Variants in SERTAD2 observed in about 807,000 individuals in gnomAD.
SERTAD2 encodes the protein SERTA domain-containing protein 2.
In SERTAD2, 2 loss-of-function variants were observed where a neutral mutation model predicts 15.4. The ratio of observed to expected loss-of-function variants is 0.13; its 90% CI spans 0.05 to 0.41. The LOEUF is 0.41. SERTAD2 is among the 10% of genes least tolerant of loss of function. SERTAD2 has a pLI of 0.99. For synonymous variants in SERTAD2, 180 were observed against 178.0 expected, an observed-to-expected ratio of 1.01 and a Z score of -0.09; for missense variants, 333 against 409.7, an observed-to-expected ratio of 0.81 and a Z score of 1.62.
chr2:64,646,438 G>A (rs1376418086), intron 1 of SERTAD2: 2 of 150,926 alleles, frequency 1.3e-5, no homozygotes, highest in African/African-American at 2.4e-5. Context: ...AAAGCTATTA[G>A]TGCTCCATGT....
At chr2:64,638,780 GT>G (rs1168324840) in intron 1 of SERTAD2, among the ~76,000 whole-genome samples, 1 of 152,190 alleles carries the variant, frequency 6.6e-6, no homozygotes, top group Non-Finnish European at 1.5e-5. Context: ...GTAACAGTTG[GT>G]TTGTCTAATA....
Position 64,636,799 on chromosome 2 carries a change from AG to A in SERTAD2, c.72del (p.Cys25ValfsTer22). ...EDGLEGKIVS[P>X]CDGPSKVSYT... The stretch of plus-strand genomic sequence containing the variant: ...TAAGACACCTTGGATGGACCGTCAC[AG>A]GGAGACACGATTTTGCCTTCCAGCC... On this transcript the variant is annotated frameshift_variant, in exon 2 of 2. Coordinates refer to ENST00000313349, the MANE Select transcript of SERTAD2 (RefSeq NM_014755.3). LOFTEE classifies it high-confidence loss of function. The A allele has an allele frequency of 6.2e-7, 1 of 1,614,204 alleles. No homozygotes were observed. The highest frequency in any genetic ancestry group is 8.5e-7 in the Non-Finnish European group (1 of 1,180,032).
rs1674568700 is a variant in SERTAD2 at position 64,632,934 on chromosome 2, T to C, written c.*2993A>G. The C allele has an allele frequency of 1.3e-5, 2 of 152,658 alleles. No individual in the cohort carries two copies. Among genetic ancestry groups the C allele is most frequent in the African/African-American group, 4.8e-5 (2 of 41,446 alleles). 9.5% of individuals were successfully genotyped at this position (152,658 alleles called of 1,614,324 possible). The stretch of plus-strand genomic sequence containing the variant: ...CTCTTACGATTCTGCTCTCATCTTG[T>C]CACTTCATTGCACATCAGTGTCAAT... On this transcript the variant is annotated 3_prime_UTR_variant, in exon 2 of 2. Transcript: ENST00000313349.
chr2:64,640,495 T>C (rs995278707), intron 1 of SERTAD2, among the ~76,000 whole-genome samples: 1 of 152,076 alleles, frequency 6.6e-6, no homozygotes, highest in African/African-American at 2.4e-5. Context: ...TCAGGCACTC[T>C]AAGAAAATAA....
At chr2:64,651,189 T>G (rs958429763) in intron 1 of SERTAD2, among the ~76,000 whole-genome samples, 11 of 152,196 alleles carry the variant, frequency 7.2e-5, no homozygotes, top group African/African-American at 2.7e-4. Context: ...GCTTCATACT[T>G]TTTTTTCTGT....
Position 64,636,372 on chromosome 2 carries a change from T to C in SERTAD2, c.500A>G (p.Asp167Gly). The change falls in exon 2 of 2, where the codon GAC (aspartate) becomes GGC (glycine). Residue 167 changes from aspartate to glycine, a missense_variant. By Grantham distance (94) the Asp-to-Gly change is moderately conservative (BLOSUM62 -1). Transcript: ENST00000313349. ...LSPPALLPEK[D>G]SFSSALDEIE... ...CTCGTCCAAGGCAGAGGAGAAACTGTCCTTTTCTGGCAAGAGGGCTGGAGG... is the reference window on the plus strand; with the variant it reads ...CTCGTCCAAGGCAGAGGAGAAACTGCCCTTTTCTGGCAAGAGGGCTGGAGG... 1 of 1,614,126 alleles carries C rather than the reference T, an allele frequency of 6.2e-7. No homozygotes were observed. Among genetic ancestry groups the C allele is most frequent in the Non-Finnish European group, 8.5e-7 (1 of 1,180,014 alleles).
At chr2:64,637,051 A>AC (rs1408260979) in intron 1 of SERTAD2, among the ~76,000 whole-genome samples, 176 bp from the exon 2 acceptor site, 2 of 152,334 alleles carry the variant, frequency 1.3e-5, no homozygotes, top group East Asian at 3.9e-4. Context: ...ACAATAAGAG[A>AC]GAGTTAGAAA....
intron 1 of SERTAD2, among the ~76,000 whole-genome samples, chr2:64,642,475 T>C (rs1303848793): frequency 6.6e-6 from 1 of 152,236 alleles, no homozygotes; most frequent in Non-Finnish European, 1.5e-5. Context: ...TCAAGGTTTT[T>C]CAACTATTTA....
Position 64,631,848 on chromosome 2 carries a change from C to G in SERTAD2, c.*4079G>C, listed in dbSNP as rs974470963. ...TTTTGACAAAAGCCCTCCTCAAAAACCATGCACCAAACATGTCACTATGTA... is the reference window on the plus strand; with the variant it reads ...TTTTGACAAAAGCCCTCCTCAAAAAGCATGCACCAAACATGTCACTATGTA... On this transcript the variant is annotated 3_prime_UTR_variant, in exon 2 of 2. Coordinates refer to ENST00000313349, the MANE Select transcript of SERTAD2 (RefSeq NM_014755.3). The G allele has an allele frequency of 2.6e-5, 4 of 152,630 alleles. No homozygotes were observed. Among genetic ancestry groups the G allele is most frequent in the African/African-American group, 9.7e-5 (4 of 41,434 alleles). The allele number at this position is 152,630 out of a possible 1,614,324, so 9.5% of individuals were successfully genotyped here.
Position 64,636,886 on chromosome 2 carries a change from G to A in SERTAD2, c.-4-11C>T. 3 of 1,560,276 alleles carry A rather than the reference G, an allele frequency of 1.9e-6. No homozygotes were observed. The highest frequency in any genetic ancestry group is 1.1e-5 in the South Asian group (1 of 88,746). ...TTACCCAACATATATCTGCAGAGGG[G>A]AGAGAGAGGAAATGGCATTAATCAC... is the stretch of plus-strand genomic sequence containing the variant. On this transcript the variant is annotated splice_polypyrimidine_tract_variant and intron_variant, in intron 1 of 1. Transcript: ENST00000313349.
chr2:64,638,458 CT>C (rs1674706118), intron 1 of SERTAD2, among the ~76,000 whole-genome samples: 2 of 152,222 alleles, frequency 1.3e-5, no homozygotes, highest in African/African-American at 4.8e-5. Context: ...CACAGAACTT[CT>C]TTCTCATACT....
At position 64,636,722 on chromosome 2, in the gene SERTAD2, G is replaced by A; in HGVS notation, c.150C>T (p.Asn50=). The A allele has an allele frequency of 6.2e-7, 1 of 1,614,194 alleles. No individual in the cohort carries two copies. Among genetic ancestry groups the A allele is most frequent in the East Asian group, 2.2e-5 (1 of 44,882 alleles). The change falls in exon 2 of 2, where the codon AAC becomes AAT. Residue 50 remains asparagine (N), a synonymous_variant. Coordinates refer to ENST00000313349, the MANE Select transcript of SERTAD2 (RefSeq NM_014755.3). ...IFNISLMKLY[N]HRPLTEPSLQ... Reference sequence around the variant, plus strand: ...AGCTGGGCTCTGTCAGGGGCCTGTGGTTATAGAGTTTCATAAGGGAAATGT... The same window carrying A: ...AGCTGGGCTCTGTCAGGGGCCTGTGATTATAGAGTTTCATAAGGGAAATGT...
At chr2:64,640,681 G>T (rs2104342901) in intron 1 of SERTAD2, among the ~76,000 whole-genome samples, 1 of 152,188 alleles carries the variant, frequency 6.6e-6, no homozygotes, top group East Asian at 1.9e-4. Context: ...GGGGGCCTGT[G>T]ACCCATTGGC....
intron 1 of SERTAD2, among the ~76,000 whole-genome samples, chr2:64,648,567 C>A (rs1674950745): frequency 6.6e-6 from 1 of 152,122 alleles, no homozygotes; most frequent in Non-Finnish European, 1.5e-5. Context: ...GAGTACCACA[C>A]TAAATGTAAT....
intron 1 of SERTAD2, chr2:64,644,581 C>G (rs1022862908): frequency 1.3e-5 from 2 of 152,258 alleles, no homozygotes; most frequent in Non-Finnish European, 2.9e-5. Flanking sequence ...ACTTTCTACA[C>G]TTCAAATATT....
At position 64,636,581 on chromosome 2, in the gene SERTAD2, G is replaced by A. The variant is rs750339357; in HGVS notation, c.291C>T (p.Ser97=). The A allele has an allele frequency of 2.3e-5, 37 of 1,599,930 alleles. No individual in the cohort carries two copies. Among genetic ancestry groups the A allele is most frequent in the Admixed American group, 2.0e-4 (12 of 58,702 alleles). Residue 97 remains serine (S), a synonymous_variant, in exon 2 of 2, where the codon AGC becomes AGT. Coordinates refer to ENST00000313349, the MANE Select transcript of SERTAD2 (RefSeq NM_014755.3). The part of the protein sequence containing the change: ...TPSSQPTTEP[S]DSYREAPPAF... Reference sequence around the variant, plus strand: ...CCGGCGGGGCCTCTCGGTAGCTGTCGCTGGGCTCGGTGGTGGGCTGGGAGG... The same window carrying A: ...CCGGCGGGGCCTCTCGGTAGCTGTCACTGGGCTCGGTGGTGGGCTGGGAGG...
chr2:64,650,718 G>T (rs1016595861), intron 1 of SERTAD2, among the ~76,000 whole-genome samples: 1 of 151,948 alleles, frequency 6.6e-6, no homozygotes. Context: ...TCTACCAATT[G>T]CTTAATGAGT....
chr2:64,653,401 C>A (rs1219698563), intron 1 of SERTAD2, among the ~76,000 whole-genome samples: 1 of 151,740 alleles, frequency 6.6e-6, no homozygotes, highest in African/African-American at 2.4e-5. Flanking sequence ...AGCCCGCAGG[C>A]GCCGGGGGTC....
intron 1 of SERTAD2, among the ~76,000 whole-genome samples, chr2:64,644,071 T>C (rs1674842287): frequency 6.6e-6 from 1 of 152,136 alleles, no homozygotes; most frequent in African/African-American, 2.4e-5. Flanking sequence ...TACCCACCTC[T>C]TTGGAAGAAA....
Sources: gnomAD v4.1 joint callset for allele counts (sites outside exome capture counted in the v4.1 genomes callset) on GRCh38, gnomAD v4.1.1 for gene constraint, MANE v1.5 for transcripts, NCBI Gene and HGNC (gene_info 2026-07-23, HGNC 2026-07-21) for gene names.